EML6: variants seen among roughly 807,000 people sequenced by gnomAD.
EML6 encodes the protein EMAP like 6.
EML6 carries 154 observed loss-of-function variants against 240.1 expected under a neutral mutation model. That is an observed-to-expected ratio of 0.64 (90% CI 0.56 to 0.73). EML6 has a LOEUF of 0.73. EML6 is among the 30% of genes least tolerant of loss of function. The probability of loss-of-function intolerance (pLI) is 0.00; values close to 1 mark genes in which losing one functional copy is unlikely to be tolerated. For missense variants in EML6, 2,964 were observed against 2,474.6 expected, an observed-to-expected ratio of 1.20 and a Z score of -4.20; for synonymous variants, 1,148 against 899.0, an observed-to-expected ratio of 1.28 and a Z score of -4.95.
Position 54,948,973 on chromosome 2 carries a change from A to C in EML6, c.4083+13A>C. On this transcript the variant is annotated intron_variant, in intron 29 of 41. Coordinates refer to ENST00000356458, the MANE Select transcript of EML6 (RefSeq NM_001039753.4). The stretch of plus-strand genomic sequence containing the variant: ...GAAACTGGTTGAGGTGAGTTAAACA[A>C]TCACTTGTAGTCTGATATTGACGTT... 6.5e-7 allele frequency: 1 copy of C among 1,531,854 alleles called. No homozygotes were observed. The highest frequency in any genetic ancestry group is 8.9e-7 in the Non-Finnish European group (1 of 1,128,968). 94.9% of individuals were successfully genotyped at this position (1,531,854 alleles called of 1,614,324 possible).
intron 8 of EML6, among the ~76,000 whole-genome samples, chr2:54,845,613 A>G (rs1411227540): frequency 1.3e-5 from 2 of 152,208 alleles, no homozygotes; most frequent in Non-Finnish European, 2.9e-5. Context: ...TTTACTGAGG[A>G]GTGATGGTTT....
intron 26 of EML6, among the ~76,000 whole-genome samples, chr2:54,926,336 A>T (rs1674544776): frequency 6.6e-6 from 1 of 152,240 alleles, no homozygotes; most frequent in Non-Finnish European, 1.5e-5. Context: ...TCCTGACCTC[A>T]AGTGATCTGC....
intron 25 of EML6, among the ~76,000 whole-genome samples, chr2:54,913,185 AT>A (rs1428296320): frequency 1.4e-5 from 2 of 144,042 alleles, no homozygotes; most frequent in African/African-American, 5.2e-5. Flanking sequence ...ATTTTTTCAT[AT>A]TTGTTGGCTG....
chr2:54,840,808 T>C (rs1669404720), intron 7 of EML6, among the ~76,000 whole-genome samples: 1 of 152,244 alleles, frequency 6.6e-6, no homozygotes, highest in Admixed American at 6.5e-5. Flanking sequence ...CTTTCTATTC[T>C]ACTGAGAGGA....
intron 26 of EML6, among the ~76,000 whole-genome samples, chr2:54,919,242 T>TTCCCCC (rs1674092392): frequency 2.3e-5 from 3 of 128,426 alleles, no homozygotes; most frequent in African/African-American, 3.1e-5. Context: ...CTATTTTGCT[T>TTCCCCC]CCCCCCCCCC....
chr2:54,856,597 A>G (rs994635492), intron 11 of EML6, among the ~76,000 whole-genome samples: 2 of 152,194 alleles, frequency 1.3e-5, no homozygotes, highest in African/African-American at 4.8e-5. Flanking sequence ...CTGGCCTTCC[A>G]TATGTCATGG....
intron 14 of EML6, chr2:54,867,531 C>T (rs1671035759): frequency 6.6e-6 from 1 of 152,208 alleles, no homozygotes; most frequent in Non-Finnish European, 1.5e-5. Flanking sequence ...CTTTGGGAGG[C>T]TGAGGCAGGT....
intron 8 of EML6, among the ~76,000 whole-genome samples, chr2:54,846,508 G>C (rs1180983475): frequency 6.8e-6 from 1 of 148,092 alleles, no homozygotes; most frequent in Non-Finnish European, 1.5e-5. Flanking sequence ...TTTTGAGACA[G>C]GGCCTTGCTC....
Position 54,850,045 on chromosome 2 carries a change from C to A in EML6, c.1271C>A (p.Ala424Glu). The A allele has an allele frequency of 6.4e-7, 1 of 1,551,944 alleles. No individual in the cohort carries two copies. The highest frequency in any genetic ancestry group is 2.4e-5 in the East Asian group (1 of 40,918). ...TTTTCTCCAGATGGTTCTTACCTTGCAGTGGGATCCAATGATGGCCCAGTA... is the reference window on the plus strand; with the variant it reads ...TTTTCTCCAGATGGTTCTTACCTTGAAGTGGGATCCAATGATGGCCCAGTA... ...MKFSPDGSYLAVGSNDGPVDV... is the reference protein window; with the variant it reads ...MKFSPDGSYLEVGSNDGPVDV... Residue 424 changes from alanine to glutamate, a missense_variant, in exon 10 of 42, where the codon GCA (alanine) becomes GAA (glutamate). Transcript: ENST00000356458.
chr2:54,835,572 G>A (rs1429041449), intron 7 of EML6, among the ~76,000 whole-genome samples: 1 of 152,200 alleles, frequency 6.6e-6, no homozygotes, highest in African/African-American at 2.4e-5. Context: ...TCCTGCCCCA[G>A]AGCAGAGAGC....
chr2:54,874,396 G>C (rs1270909391), intron 16 of EML6, among the ~76,000 whole-genome samples: 5 of 152,134 alleles, frequency 3.3e-5, no homozygotes, highest in Non-Finnish European at 5.9e-5. Context: ...TTCCCATCTT[G>C]GGCACATAAA....
rs116180664 is a variant in EML6 at position 54,729,995 on chromosome 2, G to A, written c.197+4737G>A. Among the ~76,000 whole-genome samples the A allele has an allele frequency of 9.6e-3, 1,459 of 152,212 alleles. 19 individuals carry two copies. The highest frequency in any genetic ancestry group is 0.033 in the African/African-American group (1,381 of 41,516). ...TACAGAAAATACAAGGGCTGGCTGG[G>A]CATGGTGGCAGGTGCCTGTGGTCCC... On this transcript the variant is annotated intron_variant, in intron 2 of 41. Coordinates refer to ENST00000356458, the MANE Select transcript of EML6 (RefSeq NM_001039753.4).
At chr2:54,746,891 C>T (rs1460453983) in intron 2 of EML6, among the ~76,000 whole-genome samples, 4 of 152,142 alleles carry the variant, frequency 2.6e-5, no homozygotes, top group Non-Finnish European at 5.9e-5. Context: ...AGTGATTGGC[C>T]ATAGATGCCA....
intron 33 of EML6, 115 bp downstream of exon 33, chr2:54,958,113 C>T: frequency 3.5e-6 from 3 of 864,926 alleles, no homozygotes; most frequent in African/African-American, 3.4e-5. Context: ...AAAGCCATTT[C>T]CACATTCGCT....
chr2:54,883,442 G>A (rs1671948162), intron 17 of EML6, among the ~76,000 whole-genome samples: 1 of 152,138 alleles, frequency 6.6e-6, no homozygotes. Flanking sequence ...CAGAAAGGGA[G>A]AACAAAATTA....
At position 54,853,734 on chromosome 2, in the gene EML6, G is replaced by A. The variant is rs746979297; in HGVS notation, c.1536G>A (p.Trp512Ter). 4 of 1,551,446 alleles carry A rather than the reference G, an allele frequency of 2.6e-6. No individual in the cohort carries two copies. Among genetic ancestry groups the A allele is most frequent in the Non-Finnish European group, 2.6e-6 (3 of 1,146,914 alleles). ...CVKGPEVSGI[W>*]PKYTEVTDIN... ...AAGGCCCTGAAGTGAGTGGAATTTG[G>A]CCCAAATACACTGAGGTTACTGACA... The change falls in exon 11 of 42, where the codon TGG becomes TGA. Residue 512 changes from tryptophan (W) to a stop codon, truncating the protein, a stop_gained. Coordinates refer to ENST00000356458, the MANE Select transcript of EML6 (RefSeq NM_001039753.4). LOFTEE classifies it high-confidence loss of function.
intron 28 of EML6, among the ~76,000 whole-genome samples, chr2:54,934,076 C>T (rs1675004884): frequency 6.6e-6 from 1 of 152,154 alleles, no homozygotes; most frequent in Non-Finnish European, 1.5e-5. Context: ...GAACAATCAA[C>T]GATTCCTGCC....
At chr2:54,836,890 G>T (rs901190778) in intron 7 of EML6, among the ~76,000 whole-genome samples, 17 of 152,096 alleles carry the variant, frequency 1.1e-4, no homozygotes, top group Admixed American at 1.0e-3. Flanking sequence ...TCCAAACTCT[G>T]TCTTCAGCAT....
intron 17 of EML6, among the ~76,000 whole-genome samples, chr2:54,890,598 C>A (rs2104089052): frequency 6.6e-6 from 1 of 152,266 alleles, no homozygotes; most frequent in South Asian, 2.1e-4. Context: ...CAGCTGAAAA[C>A]CCATTTAACC....
Sources: allele counts gnomAD v4.1 joint callset (sites outside exome capture counted in the v4.1 genomes callset), GRCh38; gene constraint gnomAD v4.1.1; transcripts MANE v1.5; gene names NCBI Gene and HGNC (gene_info 2026-07-23, HGNC 2026-07-21).